The following RPS6KA2 variants were observed in gnomAD, a reference collection of about 807,000 sequenced individuals.
RPS6KA2 encodes ribosomal protein S6 kinase alpha-2.
In RPS6KA2, 42 loss-of-function variants were observed where a neutral mutation model predicts 91.8. The ratio of observed to expected loss-of-function variants is 0.46; its 90% CI spans 0.36 to 0.59. The LOEUF is 0.59. Ranked by LOEUF, RPS6KA2 falls within the 20% of genes least tolerant of loss-of-function variation. RPS6KA2 has a pLI of 0.00. For missense variants in RPS6KA2, 798 were observed against 978.5 expected, an observed-to-expected ratio of 0.82 and a Z score of 2.46; for synonymous variants, 414 against 393.6, an observed-to-expected ratio of 1.05 and a Z score of -0.61.
intron 3 of RPS6KA2, among the ~76,000 whole-genome samples, chr6:166,514,673 T>C (rs1285947529): frequency 6.6e-6 from 1 of 152,110 alleles, no homozygotes; most frequent in Non-Finnish European, 1.5e-5. Context: ...TAAGAGGTCA[T>C]GTGGAGGATG....
In RPS6KA2 at chr6:166,744,393, G is replaced by T. The variant is rs373449016; in HGVS notation, c.123+113807C>A. Among the ~76,000 whole-genome samples, 41 of 152,174 alleles carry T rather than the reference G, an allele frequency of 2.7e-4. 2 individuals are homozygous for T. Among genetic ancestry groups the T allele is most frequent in the Admixed American group, 1.6e-3 (24 of 15,288 alleles). The stretch of plus-strand genomic sequence containing the variant: ...CCTGAGACGCGGCCCCGGGCCCGGG[G>T]AGTCGGAGGGGAATGGGAGCGTTGC... On this transcript the variant is annotated intron_variant, in intron 2 of 21. Coordinates refer to the RPS6KA2 transcript ENST00000503859.
intron 2 of RPS6KA2, among the ~76,000 whole-genome samples, chr6:166,794,146 A>G (rs554002994): frequency 0.3 from 40,676 of 136,576 alleles, 6,128 homozygotes; most frequent in Middle Eastern, 0.33. Context: ...ATGAACTCAA[A>G]CAAATTTACA....
At chr6:166,628,169 G>A (rs1189265062), upstream of RPS6KA2, among the ~76,000 whole-genome samples, 2 of 152,266 alleles carry the variant, frequency 1.3e-5, no homozygotes, top group Non-Finnish European at 2.9e-5. Context: ...CCCGCTGCTG[G>A]CGGCAGCGCC....
intron 11 of RPS6KA2, among the ~76,000 whole-genome samples, chr6:166,466,116 A>G (rs114489747): frequency 2.1e-4 from 32 of 152,346 alleles, no homozygotes; most frequent in African/African-American, 7.7e-4. Context: ...GCTAAGAGCA[A>G]CAAAAGGAAC....
In RPS6KA2 at chr6:166,603,989, G is replaced by A. The variant is rs959125935; in HGVS notation, c.99+22932C>T. ...CTAACGTGTCCCTCCTAGAAGTCAC[G>A]AAGAGAAAAGGGCGAGACTATGAAA... On this transcript the variant is annotated intron_variant, in intron 1 of 20. Transcript: ENST00000265678. The surrounding 1 kb of genome is among the most constrained non-coding windows in gnomAD (Gnocchi z 4.3). Among the ~76,000 whole-genome samples the A allele has an allele frequency of 5.9e-5, 9 of 152,162 alleles. No individual in the cohort carries two copies. Among genetic ancestry groups the A allele is most frequent in the Non-Finnish European group, 1.0e-4 (7 of 68,036 alleles).
intron 1 of RPS6KA2, among the ~76,000 whole-genome samples, chr6:166,541,423 T>C (rs1489649489): frequency 6.6e-6 from 1 of 152,240 alleles, no homozygotes; most frequent in Non-Finnish European, 1.5e-5. Flanking sequence ...CCCACAGCTG[T>C]GGTGAATGAG....
chr6:166,430,728 T>C, intron 15 of RPS6KA2, 117 bp from the exon 16 acceptor site: 5 of 1,025,622 alleles, frequency 4.9e-6, no homozygotes, highest in Non-Finnish European at 6.9e-6. Context: ...CACAGGGTCC[T>C]ATGGGAGTGC....
intron 2 of RPS6KA2, among the ~76,000 whole-genome samples, chr6:166,818,762 C>T (rs1255220965): frequency 6.6e-6 from 1 of 152,106 alleles, no homozygotes; most frequent in African/African-American, 2.4e-5. Flanking sequence ...ATTATTCTTC[C>T]GAGTATGCCG....
intron 1 of RPS6KA2, chr6:166,586,157 A>G: frequency 6.4e-7 from 1 of 1,558,674 alleles, no homozygotes; most frequent in Non-Finnish European, 8.6e-7. Context: ...GGTTGTAACC[A>G]TAATGTCCAT....
At chr6:166,580,530 C>T (rs1224804617) in intron 1 of RPS6KA2, among the ~76,000 whole-genome samples, 1 of 152,292 alleles carries the variant, frequency 6.6e-6, no homozygotes, top group South Asian at 2.1e-4. Context: ...AGAAAGTTTA[C>T]AAATTTGTGT....
intron 2 of RPS6KA2, among the ~76,000 whole-genome samples, chr6:166,798,393 A>C (rs1424430798): frequency 6.6e-6 from 1 of 152,232 alleles, no homozygotes; most frequent in Non-Finnish European, 1.5e-5. Context: ...TAACTACCAA[A>C]GGTGGACAAC....
At chr6:166,751,947 G>GGCCAGACTCCGTGGAGCACAGAA (rs1477384025) in intron 2 of RPS6KA2, among the ~76,000 whole-genome samples, 2 of 152,048 alleles carry the variant, frequency 1.3e-5, no homozygotes, top group Admixed American at 6.5e-5. Context: ...GGAGCACAGA[G>GGCCAGACTCCGTGGAGCACAGAA]GCCAGACTCC....
chr6:166,470,462 G>C (rs974938887), intron 10 of RPS6KA2, among the ~76,000 whole-genome samples: 8 of 152,236 alleles, frequency 5.3e-5, no homozygotes, highest in African/African-American at 1.9e-4. Context: ...TGTTTACCTG[G>C]AGGCTGCTTA....
At chr6:166,841,275 A>G (rs9348192) in intron 2 of RPS6KA2, among the ~76,000 whole-genome samples, 86,243 of 152,166 alleles carry the variant, frequency 0.57, 25,598 homozygotes, top group Middle Eastern at 0.73. Context: ...AATGAAAAAT[A>G]AAAACCTGAA....
intron 2 of RPS6KA2, among the ~76,000 whole-genome samples, chr6:166,799,606 TAA>T (rs751271039): frequency 1.9e-5 from 1 of 52,340 alleles, no homozygotes. Flanking sequence ...TTTTTTTTTT[TAA>T]AAGGATGAGA....
chr6:166,412,777 C>CGTGA lies in RPS6KA2; in HGVS notation c.2183_2186dup (p.Ser730HisfsTer36). The CGTGA allele has an allele frequency of 1.3e-6, 2 of 1,598,718 alleles. No individual in the cohort carries two copies. Among genetic ancestry groups the CGTGA allele is most frequent in the Non-Finnish European group, 1.7e-6 (2 of 1,174,378 alleles). On this transcript the variant is annotated frameshift_variant, in exon 21 of 21. Coordinates refer to ENST00000265678, the MANE Select transcript of RPS6KA2 (RefSeq NM_021135.6). LOFTEE classifies it high-confidence loss of function. The surrounding 1 kb of genome is among the most constrained non-coding windows in gnomAD (Gnocchi z 4.3). The stretch of plus-strand genomic sequence containing the variant: ...GTCCCACCCGCTACAGCCGCGTGGA[C>CGTGA]GTGAGTCTCTTCATGCCTCTGCGCT...
At chr6:166,460,934 AGAG>A (rs1487223167) in intron 11 of RPS6KA2, 2 of 152,170 alleles carry the variant, frequency 1.3e-5, no homozygotes, top group Non-Finnish European at 2.9e-5. Context: ...ACGGGAAGGG[AGAG>A]GAGGGAGGAG....
intron 2 of RPS6KA2, among the ~76,000 whole-genome samples, chr6:166,655,866 A>G (rs970978569): frequency 1.3e-5 from 2 of 152,204 alleles, no homozygotes; most frequent in African/African-American, 4.8e-5. Context: ...TCAGGACTAC[A>G]TGGAGCAGAG....
intron 2 of RPS6KA2, among the ~76,000 whole-genome samples, chr6:166,753,776 G>A (rs1156968407): frequency 6.6e-6 from 1 of 152,124 alleles, no homozygotes; most frequent in African/African-American, 2.4e-5. Flanking sequence ...CATGAAACTG[G>A]GAAAATACAC....
Sources: gnomAD v4.1 joint callset for allele counts (sites outside exome capture counted in the v4.1 genomes callset) on GRCh38, gnomAD v4.1.1 for gene constraint, Gnocchi (gnomAD v3.1) non-coding constraint, MANE v1.5 for transcripts, NCBI Gene and HGNC (gene_info 2026-07-23, HGNC 2026-07-21) for gene names.